PHC2: variants seen among roughly 807,000 people sequenced by gnomAD.
The protein encoded by PHC2 is polyhomeotic-like protein 2.
Under a neutral mutation model 87.4 loss-of-function variants are expected in PHC2, and 29 were observed. That is an observed-to-expected ratio of 0.33 (90% CI 0.25 to 0.45). The LOEUF is 0.45. Ranked by LOEUF, PHC2 falls within the 20% of genes least tolerant of loss-of-function variation. PHC2 has a pLI of 1.00. For missense variants in PHC2, 857 were observed against 1,136.7 expected (o/e 0.75, Z 3.54); for synonymous variants, 438 against 461.7 (o/e 0.95, Z 0.66).
intron 3 of PHC2, among the ~76,000 whole-genome samples, chr1:33,371,778 T>C (rs540437119): frequency 3.3e-5 from 5 of 152,256 alleles, no homozygotes; most frequent in South Asian, 2.1e-4. Flanking sequence ...TCCTTGGCTA[T>C]TCTGGTTCCT....
chr1:33,346,944 C>T (rs1465170447), intron 9 of PHC2: 1 of 985,346 alleles, frequency 1.0e-6, no homozygotes, highest in African/African-American at 1.7e-5. Flanking sequence ...AGAGAGGGGA[C>T]AGCCTATGTA....
chr1:33,324,818 C>T lies in PHC2; in HGVS notation c.*47G>A, dbSNP rs1396608910. Reference sequence around the variant, plus strand: ...TCAGGAATGTCTGTCTGGCTCTGCTCAGTCGGGAGGAGGCGCCCTGGGCCA... The same window carrying T: ...TCAGGAATGTCTGTCTGGCTCTGCTTAGTCGGGAGGAGGCGCCCTGGGCCA... On this transcript the variant is annotated 3_prime_UTR_variant, in exon 15 of 15. Coordinates refer to ENST00000683057, the MANE Select transcript of PHC2 (RefSeq NM_001385109.1). The T allele has an allele frequency of 1.3e-6, 2 of 1,568,904 alleles. No individual in the cohort carries two copies. Among genetic ancestry groups the T allele is most frequent in the Non-Finnish European group, 1.7e-6 (2 of 1,154,350 alleles).
chr1:33,402,736 C>T lies in PHC2; in HGVS notation c.-54-27143G>A, dbSNP rs181885981. On this transcript the variant is annotated intron_variant, in intron 1 of 14. Transcript: ENST00000683057. ...AATTCCATTTATACAGAGTTCAAAA[C>T]CAGTTAAAACTAAAAAAGTATATTG... Among the ~76,000 whole-genome samples the T allele has an allele frequency of 2.0e-5, 3 of 152,152 alleles. 1 individual carries two copies. Among genetic ancestry groups the T allele is most frequent in the Admixed American group, 2.0e-4 (3 of 15,288 alleles).
Position 33,366,550 on chromosome 1 carries a change from C to G in PHC2, c.976+566G>C, listed in dbSNP as rs928378230. On this transcript the variant is annotated intron_variant, in intron 7 of 14. Coordinates refer to ENST00000683057, the MANE Select transcript of PHC2 (RefSeq NM_001385109.1). The stretch of plus-strand genomic sequence containing the variant: ...TCTTCTGTTCTGACAGTGTTCAGAG[C>G]TTAGATCTATTATGGCATATGCACT... Among the ~76,000 whole-genome samples, 15 of 152,224 alleles carry G rather than the reference C, an allele frequency of 9.9e-5. 1 individual carries two copies. Among genetic ancestry groups the G allele is most frequent in the Non-Finnish European group, 1.5e-5 (1 of 68,046 alleles).
intron 1 of PHC2, among the ~76,000 whole-genome samples, chr1:33,419,978 A>T (rs1017600209): frequency 6.6e-6 from 1 of 151,996 alleles, no homozygotes; most frequent in African/African-American, 2.4e-5. Flanking sequence ...CCATGTCAAG[A>T]TCCTTAATTT....
chr1:33,372,031 G>T (rs569293622), intron 3 of PHC2, among the ~76,000 whole-genome samples: 1 of 152,366 alleles, frequency 6.6e-6, no homozygotes, highest in East Asian at 1.9e-4. Context: ...CTGCGGTAAG[G>T]TGGTTAGGAG....
At position 33,324,855 on chromosome 1, in the gene PHC2, G is replaced by A; in HGVS notation, c.*10C>T. The A allele has an allele frequency of 6.2e-7, 1 of 1,601,622 alleles. No individual in the cohort carries two copies. Among genetic ancestry groups the A allele is most frequent in the Non-Finnish European group, 8.5e-7 (1 of 1,171,374 alleles). On this transcript the variant is annotated 3_prime_UTR_variant, in exon 15 of 15. Coordinates refer to ENST00000683057, the MANE Select transcript of PHC2 (RefSeq NM_001385109.1). ...GGCGCCCTGGGCCAGAATCCTGGCT[G>A]CCACCAGCCCTAGGAGTCCTTGAGC...
At chr1:33,355,481 G>A (rs144759239) in intron 7 of PHC2, among the ~76,000 whole-genome samples, 1 of 152,170 alleles carries the variant, frequency 6.6e-6, no homozygotes, top group African/African-American at 2.4e-5. Context: ...TGGGCTCTTT[G>A]AGCTGTCCCC....
chr1:33,378,062 A>G (rs1026686263), intron 1 of PHC2, among the ~76,000 whole-genome samples: 1 of 152,234 alleles, frequency 6.6e-6, no homozygotes, highest in Non-Finnish European at 1.5e-5. Flanking sequence ...GTGCTTGTCC[A>G]TGAATTAATT....
chr1:33,368,709 G>C lies in PHC2; in HGVS notation c.577-87C>G. 1 of 998,330 alleles carries C rather than the reference G, an allele frequency of 1.0e-6. No homozygotes were observed. The highest frequency in any genetic ancestry group is 1.6e-6 in the Non-Finnish European group (1 of 644,070). The allele number at this position is 998,330 out of a possible 1,614,324, so 61.8% of individuals were successfully genotyped here. ...TGGGCCTGGAATCACAGGAAACGAG[G>C]CGCCTTTTACCTGCTCGATGTGGAC... On this transcript the variant is annotated intron_variant, in intron 5 of 14. Coordinates refer to ENST00000683057, the MANE Select transcript of PHC2 (RefSeq NM_001385109.1). This position sits in a 1 kb window ranked among gnomAD's most constrained non-coding sequence, Gnocchi z 6.6.
rs1646878632 is a variant in PHC2 at position 33,348,062 on chromosome 1, A to G, written c.1558+6339T>C. Among the ~76,000 whole-genome samples the G allele has an allele frequency of 3.3e-5, 5 of 152,334 alleles. No homozygotes were observed. In the South Asian group the frequency reaches 8.3e-4, roughly 25 times the overall value. ...ACTTTACCTAAAATGGGAGCCAAAT[A>G]AAAGTATGTTAAATCTAACTGAATG... On this transcript the variant is annotated intron_variant, in intron 9 of 14. Coordinates refer to ENST00000683057, the MANE Select transcript of PHC2 (RefSeq NM_001385109.1).
intron 14 of PHC2, among the ~76,000 whole-genome samples, chr1:33,328,399 T>G (rs1646418436): frequency 7.5e-6 from 1 of 133,814 alleles, no homozygotes; most frequent in Non-Finnish European, 1.7e-5. Context: ...TTTTTTTTGG[T>G]AGAGACAGGT....
intron 12 of PHC2, 58 bp from the exon 13 acceptor site, chr1:33,330,270 G>A: frequency 1.3e-6 from 2 of 1,583,134 alleles, no homozygotes; most frequent in Non-Finnish European, 1.7e-6. Context: ...TGGGCCGTAG[G>A]CAGAATGAGC....
intron 9 of PHC2, among the ~76,000 whole-genome samples, chr1:33,350,785 T>C (rs1646957316): frequency 6.6e-6 from 1 of 152,204 alleles, no homozygotes; most frequent in African/African-American, 2.4e-5. Context: ...CCCCGAATAT[T>C]TACTTAGCTC....
At chr1:33,372,080 G>A (rs566891697) in intron 3 of PHC2, among the ~76,000 whole-genome samples, 3 of 152,322 alleles carry the variant, frequency 2.0e-5, no homozygotes, top group South Asian at 2.1e-4. Flanking sequence ...CTAGCATTCC[G>A]CCGCTATAGT....
chr1:33,324,871 G>T lies in PHC2; in HGVS notation c.2574C>A (p.Asp858Glu). The change falls in exon 15 of 15, where the codon GAC becomes GAA. Residue 858 changes from aspartate to glutamate, a missense_variant. This residue lies in a region of PHC2 where 22 missense variants were observed against 36.0 expected (regional missense o/e 0.61). Transcript: ENST00000683057. ...KIYARISMLKDS is the reference protein window; with the variant it reads ...KIYARISMLKES Reference sequence around the variant, plus strand: ...ATCCTGGCTGCCACCAGCCCTAGGAGTCCTTGAGCATGCTGATGCGGGCGT... The same window carrying T: ...ATCCTGGCTGCCACCAGCCCTAGGATTCCTTGAGCATGCTGATGCGGGCGT... 1 of 1,612,910 alleles carries T rather than the reference G, an allele frequency of 6.2e-7. No individual in the cohort carries two copies.
At chr1:33,413,600 T>C (rs547821835) in intron 1 of PHC2, among the ~76,000 whole-genome samples, 1 of 152,346 alleles carries the variant, frequency 6.6e-6, no homozygotes, top group South Asian at 2.1e-4. Context: ...ATGAAGATTG[T>C]AAGTTTAAAA....
At chr1:33,378,094 C>G (rs1398655434) in intron 1 of PHC2, among the ~76,000 whole-genome samples, 1 of 152,232 alleles carries the variant, frequency 6.6e-6, no homozygotes. Flanking sequence ...GAGCTGCACG[C>G]AGTGCTGGGC....
chr1:33,329,704 G>A (rs1646447372), intron 13 of PHC2, among the ~76,000 whole-genome samples: 1 of 152,180 alleles, frequency 6.6e-6, no homozygotes, highest in African/African-American at 2.4e-5. Flanking sequence ...AGGCAAAAAG[G>A]TGGCAAAACA....
Sources: gnomAD v4.1 joint callset for allele counts (sites outside exome capture counted in the v4.1 genomes callset) on GRCh38, gnomAD v4.1.1 for gene constraint, gnomAD v4.1.1 regional missense constraint, Gnocchi (gnomAD v3.1) non-coding constraint, MANE v1.5 for transcripts, NCBI Gene and HGNC (gene_info 2026-07-23, HGNC 2026-07-21) for gene names.